Variants in STK39 observed in about 807,000 individuals in gnomAD.
STK39 encodes the protein STE20/SPS1-related proline-alanine-rich protein kinase.
In STK39, 20 loss-of-function variants were observed where a neutral mutation model predicts 77.8. The observed-to-expected ratio is 0.26, with a 90% CI of 0.18 to 0.37. The LOEUF is 0.37. STK39 is among the 10% of genes least tolerant of loss of function. The pLI is 1.00. For synonymous variants in STK39, 246 were observed against 234.1 expected (o/e 1.05, Z -0.47); for missense variants, 479 against 656.5 (o/e 0.73, Z 2.95).
intron 1 of STK39, among the ~76,000 whole-genome samples, chr2:168,205,941 A>G (rs538191796): frequency 2.6e-5 from 4 of 152,356 alleles, no homozygotes; most frequent in Non-Finnish European, 1.5e-5. Context: ...GTAGAACACA[A>G]TCCTATAATC....
intron 12 of STK39, 103 bp downstream of exon 12, chr2:168,074,879 C>T: frequency 1.5e-6 from 2 of 1,361,392 alleles, no homozygotes; most frequent in Admixed American, 4.7e-5. Context: ...CTTTTTCTTT[C>T]TACTCCATGA....
At chr2:168,157,900 T>C (rs185995528) in intron 5 of STK39, among the ~76,000 whole-genome samples, 76 of 152,348 alleles carry the variant, frequency 5.0e-4, no homozygotes, top group African/African-American at 1.7e-3. Context: ...TCAACATTTT[T>C]ATAGAACATC....
chr2:167,986,728 C>T (rs1397633201), intron 16 of STK39, among the ~76,000 whole-genome samples: 4 of 152,150 alleles, frequency 2.6e-5, no homozygotes, highest in African/African-American at 7.2e-5. Flanking sequence ...AAAGGAACAC[C>T]GTGAGGTCAT....
chr2:168,037,934 T>C (rs1442978787), intron 14 of STK39, among the ~76,000 whole-genome samples: 10 of 152,172 alleles, frequency 6.6e-5, no homozygotes, highest in East Asian at 1.9e-4. Context: ...GAAGCTGTGC[T>C]GTAATGACTC....
At chr2:168,194,508 A>T (rs1559141168) in intron 1 of STK39, among the ~76,000 whole-genome samples, 1 of 152,172 alleles carries the variant, frequency 6.6e-6, no homozygotes, top group African/African-American at 2.4e-5. Context: ...TTATTATTTG[A>T]TTTTTTGGGT....
At chr2:167,971,808 T>C (rs560759163) in intron 16 of STK39, among the ~76,000 whole-genome samples, 41 of 152,356 alleles carry the variant, frequency 2.7e-4, no homozygotes, top group East Asian at 3.9e-4. Context: ...AAGGAAGGGA[T>C]AGGGTTAGAG....
intron 16 of STK39, among the ~76,000 whole-genome samples, chr2:167,980,271 C>A (rs1683379926): frequency 6.6e-6 from 1 of 152,092 alleles, no homozygotes; most frequent in African/African-American, 2.4e-5. Context: ...CATGTGAATT[C>A]CAGAAAAGTT....
At chr2:167,966,084 A>G (rs551287866) in intron 16 of STK39, among the ~76,000 whole-genome samples, 41 of 152,218 alleles carry the variant, frequency 2.7e-4, no homozygotes, top group African/African-American at 9.2e-4. Context: ...TTTCATTTTT[A>G]CCAACACTCC....
intron 16 of STK39, among the ~76,000 whole-genome samples, chr2:167,978,971 A>T (rs1683348874): frequency 1.3e-5 from 2 of 152,192 alleles, no homozygotes; most frequent in Non-Finnish European, 2.9e-5. Flanking sequence ...ATTGAGCAAT[A>T]AAAAATATGA....
intron 10 of STK39, among the ~76,000 whole-genome samples, chr2:168,116,145 T>G (rs1036962628): frequency 4.6e-5 from 7 of 152,124 alleles, no homozygotes; most frequent in African/African-American, 1.4e-4. Context: ...TCCTGAGCCT[T>G]TCTCTCCTTC....
chr2:168,152,106 G>A (rs1356813577), intron 5 of STK39, among the ~76,000 whole-genome samples: 1 of 152,206 alleles, frequency 6.6e-6, no homozygotes, highest in Non-Finnish European at 1.5e-5. Flanking sequence ...GCCCAGATGT[G>A]CTGAAGGTTC....
intron 1 of STK39, among the ~76,000 whole-genome samples, chr2:168,245,379 C>A (rs1451349163): frequency 3.3e-5 from 5 of 152,178 alleles, no homozygotes; most frequent in African/African-American, 1.2e-4. Flanking sequence ...TTGTTAATTT[C>A]TATATTGCTA....
At chr2:168,165,845 T>C (rs1167568359) in intron 3 of STK39, among the ~76,000 whole-genome samples, 2 of 152,114 alleles carry the variant, frequency 1.3e-5, no homozygotes, top group African/African-American at 4.8e-5. Context: ...ATAGGCTCTA[T>C]CATATAAATT....
At chr2:168,117,358 A>C (rs2105481333) in intron 10 of STK39, among the ~76,000 whole-genome samples, 1 of 152,298 alleles carries the variant, frequency 6.6e-6, no homozygotes, top group South Asian at 2.1e-4. Flanking sequence ...CCTCATCACC[A>C]TCTTGCTTGC....
intron 10 of STK39, among the ~76,000 whole-genome samples, chr2:168,078,886 C>T (rs965156668): frequency 3.3e-5 from 5 of 152,150 alleles, no homozygotes; most frequent in South Asian, 2.1e-4. Context: ...CCTCCACCTG[C>T]TGAACATATG....
Position 167,992,066 on chromosome 2 carries a change from A to T in STK39, c.1498+20568T>A, listed in dbSNP as rs79774149. 3.4e-4 allele frequency among the ~76,000 whole-genome samples: 52 copies of T among 152,314 alleles called. 1 individual carries two copies. The East Asian group carries it at 9.8e-3, about 29-fold the overall frequency. On this transcript the variant is annotated intron_variant, in intron 16 of 17. Transcript: ENST00000355999. ...GCTCTGTTTGTAGGAAGAAAACAGG[A>T]TGGCACCAGTTAGCACTAATGCACT... is the stretch of plus-strand genomic sequence containing the variant.
At chr2:168,007,848 G>C (rs1489821063) in intron 16 of STK39, among the ~76,000 whole-genome samples, 1 of 152,124 alleles carries the variant, frequency 6.6e-6, no homozygotes, top group Non-Finnish European at 1.5e-5. Flanking sequence ...GCAGAGTTTT[G>C]ATTGAACTAT....
chr2:167,956,690 A>ACACACACACACACC (rs1691781262), intron 17 of STK39, among the ~76,000 whole-genome samples: 1 of 45,912 alleles, frequency 2.2e-5, no homozygotes, highest in Non-Finnish European at 4.6e-5. Context: ...ACACACACAC[A>ACACACACACACACC]CACACACTCT....
intron 16 of STK39, among the ~76,000 whole-genome samples, chr2:167,986,937 T>C (rs1394936435): frequency 6.6e-6 from 1 of 152,050 alleles, no homozygotes; most frequent in Admixed American, 6.6e-5. Flanking sequence ...TCATCAATAA[T>C]GCACTAAGGA....
Sources: gnomAD v4.1 joint callset for allele counts (sites outside exome capture counted in the v4.1 genomes callset) on GRCh38, gnomAD v4.1.1 for gene constraint, MANE v1.5 for transcripts, NCBI Gene and HGNC (gene_info 2026-07-23, HGNC 2026-07-21) for gene names.